Variants in SIL1 observed in about 807,000 individuals in gnomAD.
SIL1 encodes SIL1 nucleotide exchange factor, also known as nucleotide exchange factor SIL1.
A neutral mutation model predicts 49.1 loss-of-function variants in SIL1; 40 were observed. The ratio of observed to expected loss-of-function variants is 0.81; its 90% CI spans 0.63 to 1.06. The LOEUF is 1.06. Among genes scored for constraint, SIL1 ranks in the 50% least tolerant of loss-of-function variants. The probability of loss-of-function intolerance (pLI) is 0.00; values close to 1 mark genes in which losing one functional copy is unlikely to be tolerated. For missense variants in SIL1, 500 were observed against 572.6 expected (o/e 0.87, Z 1.29); for synonymous variants, 253 against 250.8 (o/e 1.01, Z -0.08).
intron 1 of SIL1, among the ~76,000 whole-genome samples, chr5:139,149,791 G>A (rs1751262032): frequency 6.6e-6 from 1 of 152,160 alleles, no homozygotes; most frequent in African/African-American, 2.4e-5. Flanking sequence ...CATGAAACTA[G>A]GAACATGCAT....
chr5:139,123,159 C>A (rs1040119350), intron 2 of SIL1, among the ~76,000 whole-genome samples: 2 of 152,190 alleles, frequency 1.3e-5, no homozygotes, highest in Non-Finnish European at 2.9e-5. Context: ...AAGCAGGTCA[C>A]CTGCGCAGCC....
intron 3 of SIL1, among the ~76,000 whole-genome samples, chr5:139,056,445 G>A (rs1409185826): frequency 1.3e-5 from 2 of 150,112 alleles, no homozygotes; most frequent in Admixed American, 6.6e-5. Flanking sequence ...CAGCCACCCC[G>A]TCTGGGAAGT....
intron 3 of SIL1, among the ~76,000 whole-genome samples, chr5:139,110,173 A>G (rs1770812226): frequency 6.6e-6 from 1 of 151,868 alleles, no homozygotes; most frequent in Non-Finnish European, 1.5e-5. Flanking sequence ...TGTCTCGAAA[A>G]AAAAAAAAAA....
intron 4 of SIL1, among the ~76,000 whole-genome samples, chr5:139,047,329 T>G (rs1324731050): frequency 2.0e-5 from 3 of 152,212 alleles, no homozygotes; most frequent in African/African-American, 7.2e-5. Flanking sequence ...TGCAATGAAA[T>G]AAGGCAGTGC....
At chr5:138,978,810 A>C (rs1351619359) in intron 7 of SIL1, among the ~76,000 whole-genome samples, 1 of 152,194 alleles carries the variant, frequency 6.6e-6, no homozygotes, top group Non-Finnish European at 1.5e-5. Context: ...GCACATTTGC[A>C]TTATCTTGTC....
intron 3 of SIL1, among the ~76,000 whole-genome samples, chr5:139,113,166 C>A (rs890383044): frequency 6.6e-6 from 1 of 152,004 alleles, no homozygotes; most frequent in African/African-American, 2.4e-5. Context: ...CTGCGGAAGG[C>A]CGCAGGGTCC....
At chr5:139,137,384 G>GT (rs1239283987) in intron 1 of SIL1, 2 of 549,892 alleles carry the variant, frequency 3.6e-6, no homozygotes, top group Non-Finnish European at 6.3e-6. Flanking sequence ...AGCCAGTTTG[G>GT]CCCCAAAGCC....
chr5:139,173,882 C>A (rs1482633848), intron 1 of SIL1, among the ~76,000 whole-genome samples: 4 of 150,412 alleles, frequency 2.7e-5, no homozygotes, highest in African/African-American at 9.8e-5. Flanking sequence ...TGACGTGAAC[C>A]CAGGAGGCGG....
chr5:139,121,281 A>G (rs1750630710), intron 2 of SIL1, 108 bp from the exon 3 acceptor site: 1 of 1,459,744 alleles, frequency 6.9e-7, no homozygotes. Flanking sequence ...CCTCTCCCCC[A>G]CAGCCTGATA....
At chr5:139,190,839 T>C (rs575901271) in intron 1 of SIL1, among the ~76,000 whole-genome samples, 1 of 152,312 alleles carries the variant, frequency 6.6e-6, no homozygotes, top group African/African-American at 2.4e-5. Flanking sequence ...ACAATCATTT[T>C]AGACTTTAGC....
At position 138,946,908 on chromosome 5, in the gene SIL1, G is replaced by C; in HGVS notation, c.*209C>G. On this transcript the variant is annotated 3_prime_UTR_variant, in exon 10 of 10. Transcript: ENST00000394817. ...CTGGGCTGAGCCCTGCACGTCAGCA[G>C]AGCCCATCACCCAACCACTCACCTG... 1.7e-6 allele frequency: 1 copy of C among 604,242 alleles called. No homozygotes were observed. The highest frequency in any genetic ancestry group is 3.0e-6 in the Non-Finnish European group (1 of 333,500). The allele number at this position is 604,242 out of a possible 1,614,324, so 37.4% of individuals were successfully genotyped here.
chr5:139,169,423 T>C (rs775880963), intron 1 of SIL1, among the ~76,000 whole-genome samples: 1 of 151,688 alleles, frequency 6.6e-6, no homozygotes, highest in Non-Finnish European at 1.5e-5. Context: ...AGGCATACAA[T>C]GAAACAGAAA....
intron 3 of SIL1, among the ~76,000 whole-genome samples, chr5:139,112,371 C>T (rs1182099288): frequency 6.6e-6 from 1 of 151,856 alleles, no homozygotes; most frequent in Non-Finnish European, 1.5e-5. Flanking sequence ...AGCGCCTCTT[C>T]CCGGCTGCCA....
chr5:138,951,726 T>A (rs1332903591), intron 8 of SIL1, 62 bp downstream of exon 8: 1 of 1,491,734 alleles, frequency 6.7e-7, no homozygotes, highest in African/African-American at 1.4e-5. Flanking sequence ...ACAGGAACCC[T>A]TTCCTTTCAG....
chr5:139,128,089 T>A, intron 1 of SIL1: 1 of 539,260 alleles, frequency 1.9e-6, no homozygotes, highest in Admixed American at 2.2e-5. Context: ...GACTCCTGCA[T>A]AAGCTATTAC....
At chr5:139,173,353 C>T (rs138456053) in intron 1 of SIL1, among the ~76,000 whole-genome samples, 14 of 151,878 alleles carry the variant, frequency 9.2e-5, no homozygotes, top group African/African-American at 3.4e-4. Context: ...AGTTTGAGAC[C>T]AGCCTGGCCA....
At chr5:138,959,771 C>A (rs1199684466) in intron 7 of SIL1, among the ~76,000 whole-genome samples, 1 of 152,208 alleles carries the variant, frequency 6.6e-6, no homozygotes, top group Non-Finnish European at 1.5e-5. Flanking sequence ...GCTGGACAAC[C>A]CCCCACCCAC....
At chr5:139,196,694 C>G (rs1010214744) in intron 1 of SIL1, among the ~76,000 whole-genome samples, 2 of 152,128 alleles carry the variant, frequency 1.3e-5, no homozygotes, top group African/African-American at 4.8e-5. Flanking sequence ...TATTCATGAG[C>G]AGATTAAATT....
chr5:139,143,328 CACACACACACACACACATATATATAT>C (rs1263839047), intron 1 of SIL1, among the ~76,000 whole-genome samples: 1 of 126,994 alleles, frequency 7.9e-6, no homozygotes, highest in Non-Finnish European at 1.6e-5. Flanking sequence ...CACACACACA[CACACACACACACACACATATATATAT>C]ATATATATAT....
Sources: gnomAD v4.1 joint callset for allele counts (sites outside exome capture counted in the v4.1 genomes callset) on GRCh38, gnomAD v4.1.1 for gene constraint, MANE v1.5 for transcripts, NCBI Gene and HGNC (gene_info 2026-07-23, HGNC 2026-07-21) for gene names.